Variants in MARF1 observed in about 807,000 individuals in gnomAD.
MARF1 encodes meiosis regulator and mRNA stability factor 1, also known as limkain-b1.
Under a neutral mutation model 168.2 loss-of-function variants are expected in MARF1, and 24 were observed. The observed-to-expected ratio is 0.14, with a 90% CI of 0.10 to 0.20. MARF1 has a LOEUF of 0.20. MARF1 is among the 10% of genes least tolerant of loss of function. The pLI, the probability that MARF1 is intolerant of heterozygous loss-of-function variation, is 1.00. For missense variants in MARF1, 1,744 were observed against 2,143.6 expected, an observed-to-expected ratio of 0.81 and a Z score of 3.68; for synonymous variants, 868 against 822.4, an observed-to-expected ratio of 1.06 and a Z score of -0.95.
At position 15,598,829 on chromosome 16, in the gene MARF1, C is replaced by T. The variant is rs138588214; in HGVS notation, c.4984+25G>A. The T allele has an allele frequency of 8.7e-5, 141 of 1,611,780 alleles. 2 individuals carry two copies. The East Asian group carries it at 2.6e-3, about 29-fold the overall frequency. On this transcript the variant is annotated intron_variant, in intron 26 of 26. Transcript: ENST00000396368. ...TTTGTTTTAAACCCCGAAGAAAATC[C>T]CCATGACAACATGGAGTCACCCACC... is the stretch of plus-strand genomic sequence containing the variant.
chr16:15,602,807 TACAC>T (rs1567531981), intron 22 of MARF1: 1 of 357,152 alleles, frequency 2.8e-6, no homozygotes, highest in Non-Finnish European at 5.4e-6. Context: ...CAAATCACGG[TACAC>T]ACAGTGAACA....
Position 15,617,292 on chromosome 16 carries a change from G to C in MARF1, c.2957+7C>G. 2 of 1,611,622 alleles carry C rather than the reference G, an allele frequency of 1.2e-6. No individual in the cohort carries two copies. The highest frequency in any genetic ancestry group is 1.7e-4 in the Middle Eastern group (1 of 6,054). On this transcript the variant is annotated splice_region_variant and intron_variant, in intron 14 of 26. Transcript: ENST00000396368. ...GAATTACTTCTAAAGGAAAACGAACGGCACACCTGAAATCCTTATTGGAAC... is the reference window on the plus strand; with the variant it reads ...GAATTACTTCTAAAGGAAAACGAACCGCACACCTGAAATCCTTATTGGAAC...
At chr16:15,623,495 G>A (rs1042651284) in intron 10 of MARF1, among the ~76,000 whole-genome samples, 1 of 151,856 alleles carries the variant, frequency 6.6e-6, no homozygotes, top group African/African-American at 2.4e-5. Context: ...TGGCCAGGCT[G>A]GTCTTAAACT....
rs2034798822 is a variant in MARF1, at chr16:15,625,760, T to C, written c.1565A>G (p.Asn522Ser). 1.9e-6 allele frequency: 3 copies of C among 1,614,052 alleles called. No individual in the cohort carries two copies. Among genetic ancestry groups the C allele is most frequent in the Non-Finnish European group, 2.5e-6 (3 of 1,180,016 alleles). ...TLLYVYNLPANKDGKSVSNRL... is the reference protein window; with the variant it reads ...TLLYVYNLPASKDGKSVSNRL... Reference sequence around the variant, plus strand: ...GTTGCTGACGCTCTTGCCATCCTTATTTGCTGGTAGGTTATAAACATAGAG... The same window carrying C: ...GTTGCTGACGCTCTTGCCATCCTTACTTGCTGGTAGGTTATAAACATAGAG... The change falls in exon 8 of 27, where the codon AAT (asparagine) becomes AGT (serine). Residue 522 changes from asparagine (N) to serine (S), a missense_variant. Asn to Ser is a conservative substitution (Grantham distance 46). Transcript: ENST00000396368.
chr16:15,636,414 G>T, intron 2 of MARF1, 72 bp from the exon 3 acceptor site: 1 of 1,079,284 alleles, frequency 9.3e-7, no homozygotes, highest in Non-Finnish European at 1.3e-6. Context: ...ATATCTTACT[G>T]CATGCACAAA....
intron 25 of MARF1, among the ~76,000 whole-genome samples, chr16:15,599,452 T>C (rs566270069): frequency 4.8e-4 from 73 of 152,270 alleles, no homozygotes; most frequent in African/African-American, 1.6e-3. Context: ...CTGCCTGAGA[T>C]TTCCGAGCCT....
At chr16:15,611,959 A>G (rs1431482025) in intron 17 of MARF1, among the ~76,000 whole-genome samples, 1 of 152,214 alleles carries the variant, frequency 6.6e-6, no homozygotes, top group Admixed American at 6.5e-5. Context: ...ACCTTCTCCC[A>G]AACAGTCGTT....
chr16:15,613,861 G>A (rs1220000264), intron 16 of MARF1, among the ~76,000 whole-genome samples: 2 of 152,038 alleles, frequency 1.3e-5, no homozygotes, highest in African/African-American at 2.4e-5. Context: ...GACTCAGAAA[G>A]AATTCCTTGG....
At chr16:15,638,004 T>TA (rs1555531216) in intron 2 of MARF1, among the ~76,000 whole-genome samples, 2 of 150,252 alleles carry the variant, frequency 1.3e-5, no homozygotes, top group East Asian at 2.0e-4. Context: ...CCATCTCTAC[T>TA]AAAATACAAA....
Position 15,596,610 on chromosome 16 carries a change from A to G in MARF1, c.*83T>C. 2 of 1,402,594 alleles carry G rather than the reference A, an allele frequency of 1.4e-6. No homozygotes were observed. Among genetic ancestry groups the G allele is most frequent in the East Asian group, 2.4e-5 (1 of 41,454 alleles). The allele number at this position is 1,402,594 out of a possible 1,614,324, so 86.9% of individuals were successfully genotyped here. On this transcript the variant is annotated 3_prime_UTR_variant, in exon 27 of 27. Transcript: ENST00000396368. Reference sequence around the variant, plus strand: ...GCTTCGGGGGGTTTTCATGACACAGAAAAGGATGTATTTTTGAAACCCACT... The same window carrying G: ...GCTTCGGGGGGTTTTCATGACACAGGAAAGGATGTATTTTTGAAACCCACT...
rs756946682 is a variant in MARF1, at chr16:15,609,740, A to C, written c.3752-15T>G. On this transcript the variant is annotated splice_polypyrimidine_tract_variant and intron_variant, in intron 19 of 26. Coordinates refer to ENST00000396368, the MANE Select transcript of MARF1 (RefSeq NM_014647.4). ...CTGAGTGCGTTCTTTTAAAAAAACC[A>C]AAAAACATAAAATCACAGTTTTTTT... 40 of 1,606,894 alleles carry C rather than the reference A, an allele frequency of 2.5e-5. No homozygotes were observed. The African/African-American group carries it at 5.1e-4, about 20-fold the overall frequency.
rs1197016491 is a variant in MARF1, at chr16:15,635,763, A to C, written c.724T>G (p.Ser242Ala). Residue 242 changes from serine to alanine, a missense_variant, in exon 3 of 27, where the codon TCA becomes GCA. Coordinates refer to ENST00000396368, the MANE Select transcript of MARF1 (RefSeq NM_014647.4). ...AAGTGAGGCGTTAGCTCCGACTGTGAAATGTGCTCTTCCAAATGCCCTGGA... is the reference window on the plus strand; with the variant it reads ...AAGTGAGGCGTTAGCTCCGACTGTGCAATGTGCTCTTCCAAATGCCCTGGA... ...GAPGHLEEHI[S>A]QSELTPHLCT... The C allele has an allele frequency of 6.2e-7, 1 of 1,614,218 alleles. No homozygotes were observed. The highest frequency in any genetic ancestry group is 2.2e-5 in the East Asian group (1 of 44,882).
chr16:15,623,031 G>A lies in MARF1; in HGVS notation c.2363C>T (p.Ala788Val), dbSNP rs760260988. ...SSEADCPDPF[A>V]NGADVQVSNI... Reference sequence around the variant, plus strand: ...GCTGACTTGGACATCAGCACCATTTGCAAATGGGTCTGGGCAGTCGGCTTC... The same window carrying A: ...GCTGACTTGGACATCAGCACCATTTACAAATGGGTCTGGGCAGTCGGCTTC... Residue 788 changes from alanine to valine, a missense_variant, in exon 11 of 27, where the codon GCA becomes GTA. Ala to Val is a moderately conservative substitution (Grantham distance 64). This residue lies in a region of MARF1 where 270 missense variants were observed against 260.6 expected (regional missense o/e 1.04). Coordinates refer to ENST00000396368, the MANE Select transcript of MARF1 (RefSeq NM_014647.4). 1 of 1,611,648 alleles carries A rather than the reference G, an allele frequency of 6.2e-7. No homozygotes were observed. The highest frequency in any genetic ancestry group is 8.5e-7 in the Non-Finnish European group (1 of 1,177,906).
intron 23 of MARF1, chr16:15,601,659 C>A (rs913744212): frequency 7.3e-6 from 3 of 408,600 alleles, no homozygotes; most frequent in Admixed American, 7.6e-5. Context: ...GGGAAGTGGG[C>A]CCTGACACGG....
chr16:15,643,088 T>C lies in MARF1; in HGVS notation c.-129A>G, dbSNP rs2036159662. The C allele has an allele frequency of 3.5e-6, 1 of 287,946 alleles. No homozygotes were observed. The highest frequency in any genetic ancestry group is 2.6e-5 in the South Asian group (1 of 38,072). The allele number at this position is 287,946 out of a possible 1,614,324, so 17.8% of individuals were successfully genotyped here. On this transcript the variant is annotated 5_prime_UTR_variant, in exon 1 of 27. Coordinates refer to ENST00000396368, the MANE Select transcript of MARF1 (RefSeq NM_014647.4). Reference sequence around the variant, plus strand: ...TTCCCCCCGCCCCCCCCAGGCCCTTTGTTTTGATTCCCGACTCCGCAGCTC... The same window carrying C: ...TTCCCCCCGCCCCCCCCAGGCCCTTCGTTTTGATTCCCGACTCCGCAGCTC...
At chr16:15,607,143 G>C (rs1241869525) in intron 21 of MARF1, among the ~76,000 whole-genome samples, 1 of 152,174 alleles carries the variant, frequency 6.6e-6, no homozygotes, top group Non-Finnish European at 1.5e-5. Flanking sequence ...TCCTGGTTGT[G>C]CTTCCTGCTC....
chr16:15,616,527 C>T (rs1433121192), intron 15 of MARF1, among the ~76,000 whole-genome samples: 1 of 152,178 alleles, frequency 6.6e-6, no homozygotes, highest in Non-Finnish European at 1.5e-5. Flanking sequence ...TAAAATGTAG[C>T]GCAAACACAC....
intron 10 of MARF1, among the ~76,000 whole-genome samples, chr16:15,623,910 CTTTTTTTTTTT>C (rs1168260036): frequency 7.5e-6 from 1 of 132,832 alleles, no homozygotes; most frequent in East Asian, 2.1e-4. Context: ...GTCACTTTCT[CTTTTTTTTTTT>C]TTTTTTTTGA....
At chr16:15,598,428 T>A (rs1392358964) in intron 26 of MARF1, among the ~76,000 whole-genome samples, 1 of 152,130 alleles carries the variant, frequency 6.6e-6, no homozygotes. Flanking sequence ...AGTCCGGGGC[T>A]CCAGCCACAG....
Sources: gnomAD v4.1 joint callset for allele counts (sites outside exome capture counted in the v4.1 genomes callset) on GRCh38, gnomAD v4.1.1 for gene constraint, gnomAD v4.1.1 regional missense constraint, MANE v1.5 for transcripts, NCBI Gene and HGNC (gene_info 2026-07-23, HGNC 2026-07-21) for gene names.